Variants in C12orf42 observed in about 807,000 individuals in gnomAD.
C12orf42 encodes chromosome 12 open reading frame 42.
Under a neutral mutation model 21.6 loss-of-function variants are expected in C12orf42, and 25 were observed. The observed-to-expected ratio is 1.16, with a 90% confidence interval of 0.84 to 1.62. The LOEUF (loss-of-function observed/expected upper bound fraction) is 1.62, where lower values mean the gene tolerates loss of function less well. C12orf42 is among the 40% of genes most tolerant of loss of function. C12orf42 has a pLI of 0.00. For missense variants in C12orf42, 483 were observed against 459.3 expected (o/e 1.05, Z -0.47); for synonymous variants, 174 against 175.0 (o/e 0.99, Z 0.05).
chr12:103,177,182 C>T, the C12orf42 span, among the ~76,000 whole-genome samples: 1 of 152,078 alleles, frequency 6.6e-6, no homozygotes, highest in South Asian at 2.1e-4. Context: ...AATGATGACT[C>T]CCAAGAGGAA....
At chr12:103,538,221 G>A in the C12orf42 span, among the ~76,000 whole-genome samples, 1 of 152,204 alleles carries the variant, frequency 6.6e-6, no homozygotes, top group Non-Finnish European at 1.5e-5. Context: ...AAGAATTCTA[G>A]TAAAGCAGAA....
chr12:103,255,982 G>A (rs2034547694), intron 10 of C12orf42, among the ~76,000 whole-genome samples: 2 of 143,902 alleles, frequency 1.4e-5, no homozygotes, highest in Non-Finnish European at 3.0e-5. Context: ...GAACCCGGGA[G>A]GTGGAGCTTG....
intron 4 of C12orf42, among the ~76,000 whole-genome samples, chr12:103,338,684 T>C (rs962351887): frequency 3.3e-5 from 5 of 152,220 alleles, no homozygotes; most frequent in African/African-American, 1.2e-4. Context: ...ATTTATTCTA[T>C]TGCCTACAGT....
chr12:103,247,662 T>A (rs573673756), intron 10 of C12orf42, among the ~76,000 whole-genome samples: 3 of 152,156 alleles, frequency 2.0e-5, no homozygotes, highest in Non-Finnish European at 4.4e-5. Context: ...AGATTCACTT[T>A]ACTCATTGCC....
the C12orf42 span, among the ~76,000 whole-genome samples, chr12:103,204,822 T>G: frequency 3.3e-5 from 5 of 151,882 alleles, no homozygotes; most frequent in Admixed American, 3.3e-4. Context: ...AAGAAGAAGA[T>G]GAAAAGGCAG....
intron 4 of C12orf42, among the ~76,000 whole-genome samples, chr12:103,284,862 A>T (rs2036347210): frequency 6.6e-6 from 1 of 152,040 alleles, no homozygotes; most frequent in East Asian, 1.9e-4. Flanking sequence ...GCTGGATTAC[A>T]CTCATTTTTT....
At chr12:103,426,203 A>G (rs1179525610) in intron 2 of C12orf42, among the ~76,000 whole-genome samples, 1 of 152,242 alleles carries the variant, frequency 6.6e-6, no homozygotes. Flanking sequence ...AAAGGAAGCT[A>G]AGAACCTTGA....
At chr12:103,525,967 A>G in the C12orf42 span, among the ~76,000 whole-genome samples, 2 of 152,208 alleles carry the variant, frequency 1.3e-5, no homozygotes, top group Admixed American at 1.3e-4. Flanking sequence ...CGGAGGTTGC[A>G]GTGAGCCAAG....
At chr12:103,259,879 G>A (rs113937182) in intron 10 of C12orf42, among the ~76,000 whole-genome samples, 2,134 of 152,194 alleles carry the variant, frequency 0.014, 17 homozygotes, top group Non-Finnish European at 0.021. Context: ...ATATAGGCAG[G>A]TACAATTCGT....
At chr12:103,161,172 C>G in the C12orf42 span, among the ~76,000 whole-genome samples, 1 of 152,186 alleles carries the variant, frequency 6.6e-6, no homozygotes, top group Non-Finnish European at 1.5e-5. Flanking sequence ...CTTAGAGTTT[C>G]TCTTGGAGAT....
the C12orf42 span, among the ~76,000 whole-genome samples, chr12:103,116,930 A>G: frequency 6.6e-6 from 1 of 152,224 alleles, no homozygotes; most frequent in Non-Finnish European, 1.5e-5. Context: ...TGATAATTGT[A>G]CATATTTATG....
chr12:103,507,158 A>T, the C12orf42 span, among the ~76,000 whole-genome samples: 1 of 22,788 alleles, frequency 4.4e-5, no homozygotes, highest in Admixed American at 8.4e-4. Flanking sequence ...ATAAATATAT[A>T]TATATAATAT....
the C12orf42 span, among the ~76,000 whole-genome samples, chr12:103,526,138 C>T: frequency 2.1e-3 from 326 of 152,310 alleles, 1 homozygote; most frequent in African/African-American, 7.5e-3. Context: ...CTATTCCGAG[C>T]TTTCAATTTT....
the C12orf42 span, among the ~76,000 whole-genome samples, chr12:103,526,149 A>G: frequency 2.0e-5 from 3 of 152,254 alleles, no homozygotes; most frequent in Non-Finnish European, 2.9e-5. Flanking sequence ...TTTCAATTTT[A>G]TTCCCTTTAA....
intron 4 of C12orf42, among the ~76,000 whole-genome samples, chr12:103,338,433 A>G (rs1312080694): frequency 3.2e-4 from 49 of 152,224 alleles, no homozygotes; most frequent in Admixed American, 3.2e-3. Flanking sequence ...GTGCTTATGC[A>G]CTTGAAACTG....
intron 4 of C12orf42, among the ~76,000 whole-genome samples, chr12:103,287,756 AAAATCAG>A (rs924725993): frequency 3.9e-5 from 6 of 151,998 alleles, no homozygotes; most frequent in Non-Finnish European, 8.8e-5. Context: ...TCCCATTACA[AAAATCAG>A]AAATTCTAAA....
intron 2 of C12orf42, among the ~76,000 whole-genome samples, chr12:103,434,563 G>C (rs529620773): frequency 6.6e-6 from 1 of 152,184 alleles, no homozygotes; most frequent in Non-Finnish European, 1.5e-5. Flanking sequence ...ACGAGCCGAA[G>C]CAGGGCGAGG....
chr12:103,301,942 T>C, downstream of C12orf42: 1 of 745,694 alleles, frequency 1.3e-6, no homozygotes, highest in South Asian at 2.0e-5. Flanking sequence ...GGAACATTTT[T>C]GGCTGCGCTA....
intron 4 of C12orf42, among the ~76,000 whole-genome samples, chr12:103,313,945 G>C (rs962783369): frequency 6.6e-6 from 1 of 152,142 alleles, no homozygotes; most frequent in African/African-American, 2.4e-5. Context: ...GGGGAAGGCG[G>C]CAAAAGCAGG....
Sources: gnomAD v4.1 joint callset for allele counts (sites outside exome capture counted in the v4.1 genomes callset) on GRCh38, gnomAD v4.1.1 for gene constraint, MANE v1.5 for transcripts, NCBI Gene and HGNC (gene_info 2026-07-23, HGNC 2026-07-21) for gene names.